SPOCK1: variants seen among roughly 807,000 people sequenced by gnomAD.
SPOCK1 encodes SPARC (osteonectin), cwcv and kazal like domains proteoglycan 1.
SPOCK1 carries 23 observed loss-of-function variants against 55.3 expected under a neutral mutation model. The observed-to-expected ratio is 0.42, with a 90% confidence interval of 0.30 to 0.59. The LOEUF (loss-of-function observed/expected upper bound fraction) is 0.59, where lower values mean the gene tolerates loss of function less well. SPOCK1 is among the 20% of genes least tolerant of loss of function. The pLI, the probability that SPOCK1 is intolerant of heterozygous loss-of-function variation, is 0.22. For synonymous variants in SPOCK1, 226 were observed against 221.0 expected, an observed-to-expected ratio of 1.02 and a Z score of -0.20; for missense variants, 499 against 552.5, an observed-to-expected ratio of 0.90 and a Z score of 0.97.
chr5:137,099,938 T>G (rs1464487529), intron 5 of SPOCK1, among the ~76,000 whole-genome samples: 1 of 152,146 alleles, frequency 6.6e-6, no homozygotes, highest in South Asian at 2.1e-4. Context: ...TCTGTCTGGA[T>G]TTCAGTGCTC....
At chr5:137,131,989 A>AAAAATATATATAT (rs1391176339) in intron 4 of SPOCK1, among the ~76,000 whole-genome samples, 1 of 36,070 alleles carries the variant, frequency 2.8e-5, no homozygotes, top group African/African-American at 1.9e-4. Context: ...AAAAAAAAAA[A>AAAAATATATATAT]ATATATATAT....
chr5:137,299,570 C>T (rs554336171), intron 2 of SPOCK1, among the ~76,000 whole-genome samples: 1 of 152,022 alleles, frequency 6.6e-6, no homozygotes, highest in Non-Finnish European at 1.5e-5. Flanking sequence ...TTTAGCATAT[C>T]ATACAGTATA....
chr5:137,083,403 C>G (rs1752907438), intron 5 of SPOCK1, among the ~76,000 whole-genome samples: 3 of 152,142 alleles, frequency 2.0e-5, no homozygotes, highest in Admixed American at 2.0e-4. Context: ...CTCTGAGGAA[C>G]TTAATTAACC....
intron 2 of SPOCK1, among the ~76,000 whole-genome samples, chr5:137,447,893 G>A (rs1176681959): frequency 6.6e-6 from 1 of 152,166 alleles, no homozygotes; most frequent in East Asian, 1.9e-4. Context: ...CTTGATGCCT[G>A]GCTTTCCATA....
Position 137,284,751 on chromosome 5 carries a change from C to G in SPOCK1, c.187-17696G>C, listed in dbSNP as rs143357748. On this transcript the variant is annotated intron_variant, in intron 2 of 10. Coordinates refer to ENST00000394945, the MANE Select transcript of SPOCK1 (RefSeq NM_004598.4). ...AAAATCTTTAGTGAATTCCACTGGG[C>G]GCACTAACACCTGTGTGCAAATGAC... Among the ~76,000 whole-genome samples, 953 of 152,182 alleles carry G rather than the reference C, an allele frequency of 6.3e-3. 4 individuals carry two copies. The highest frequency in any genetic ancestry group is 0.022 in the African/African-American group (934 of 41,524).
intron 2 of SPOCK1, among the ~76,000 whole-genome samples, chr5:137,385,523 C>T (rs1187301741): frequency 6.6e-6 from 1 of 152,178 alleles, no homozygotes; most frequent in Non-Finnish European, 1.5e-5. Context: ...AATAATGATT[C>T]ATTATTGTGC....
intron 2 of SPOCK1, among the ~76,000 whole-genome samples, chr5:137,473,125 G>A (rs746099359): frequency 5.3e-5 from 8 of 152,038 alleles, no homozygotes; most frequent in Admixed American, 2.0e-4. Flanking sequence ...AAAGATATAC[G>A]TCTCTGCAAA....
intron 3 of SPOCK1, among the ~76,000 whole-genome samples, chr5:137,230,040 G>A (rs1017644235): frequency 2.0e-5 from 3 of 152,180 alleles, no homozygotes; most frequent in Non-Finnish European, 4.4e-5. Flanking sequence ...ACTCGCCCAT[G>A]CTCCACTCTT....
rs559545765 is a variant in SPOCK1 at position 137,357,833 on chromosome 5, T to C, written c.187-90778A>G. 1.4e-4 allele frequency among the ~76,000 whole-genome samples: 22 copies of C among 152,284 alleles called. No homozygotes were observed. The South Asian group carries it at 4.6e-3, about 32-fold the overall frequency. ...GTCACAGCAGAATAATTGGAACCCT[T>C]ATAATTCCCTCTTCTTACCTTCTGT... On this transcript the variant is annotated intron_variant, in intron 2 of 10. Coordinates refer to ENST00000394945, the MANE Select transcript of SPOCK1 (RefSeq NM_004598.4).
intron 4 of SPOCK1, among the ~76,000 whole-genome samples, chr5:137,134,233 T>G (rs1169807779): frequency 6.6e-6 from 1 of 152,226 alleles, no homozygotes; most frequent in African/African-American, 2.4e-5. Context: ...GTAAGATTTC[T>G]CCTGCAAAGT....
At chr5:137,496,555 T>C (rs1478044569) in intron 2 of SPOCK1, among the ~76,000 whole-genome samples, 1 of 152,218 alleles carries the variant, frequency 6.6e-6, no homozygotes, top group Non-Finnish European at 1.5e-5. Context: ...TAATCCTGGC[T>C]CAATTCTTCC....
chr5:137,170,048 A>T (rs1754721917), intron 3 of SPOCK1, among the ~76,000 whole-genome samples: 1 of 152,196 alleles, frequency 6.6e-6, no homozygotes, highest in African/African-American at 2.4e-5. Context: ...TCCATGAGGA[A>T]TTTGTTCCAG....
At chr5:137,307,188 T>C (rs1757713834) in intron 2 of SPOCK1, among the ~76,000 whole-genome samples, 1 of 152,226 alleles carries the variant, frequency 6.6e-6, no homozygotes, top group Admixed American at 6.5e-5. Flanking sequence ...AAAGATACAA[T>C]TATGTACAAA....
At chr5:137,141,532 G>A (rs1368675868) in intron 3 of SPOCK1, among the ~76,000 whole-genome samples, 3 of 152,292 alleles carry the variant, frequency 2.0e-5, no homozygotes, top group Admixed American at 2.0e-4. Flanking sequence ...ACAGGGAGGG[G>A]GAAAAGCTTA....
chr5:137,046,659 G>A (rs1752112259), intron 6 of SPOCK1, among the ~76,000 whole-genome samples: 1 of 48,888 alleles, frequency 2.0e-5, no homozygotes, highest in African/African-American at 7.1e-5. Flanking sequence ...GCCCTGGCCA[G>A]AACTTCCAAC....
At chr5:136,991,725 G>C (rs1266635639) in intron 7 of SPOCK1, among the ~76,000 whole-genome samples, 1 of 152,226 alleles carries the variant, frequency 6.6e-6, no homozygotes, top group Non-Finnish European at 1.5e-5. Context: ...ATTGGCCACA[G>C]TGTGGAGAAG....
intron 2 of SPOCK1, among the ~76,000 whole-genome samples, chr5:137,368,280 C>T (rs543900389): frequency 6.6e-6 from 1 of 152,286 alleles, no homozygotes; most frequent in East Asian, 1.9e-4. Context: ...AGCAGAATAA[C>T]CCAAGTGGAC....
At chr5:137,273,053 G>A (rs1443608968) in intron 2 of SPOCK1, among the ~76,000 whole-genome samples, 2 of 152,236 alleles carry the variant, frequency 1.3e-5, no homozygotes, top group East Asian at 3.9e-4. Context: ...CCAGGTCTTA[G>A]ACAAAATGAT....
intron 2 of SPOCK1, among the ~76,000 whole-genome samples, chr5:137,410,808 C>T (rs1235100356): frequency 6.6e-6 from 1 of 152,220 alleles, no homozygotes; most frequent in Non-Finnish European, 1.5e-5. Flanking sequence ...AGGAGACCTG[C>T]TTTCCCTCCA....
Sources: gnomAD v4.1 joint callset for allele counts (sites outside exome capture counted in the v4.1 genomes callset) on GRCh38, gnomAD v4.1.1 for gene constraint, MANE v1.5 for transcripts, NCBI Gene and HGNC (gene_info 2026-07-23, HGNC 2026-07-21) for gene names.